The following NELL1 variants were observed in gnomAD, a reference collection of about 807,000 sequenced individuals.
The protein encoded by NELL1 is protein kinase C-binding protein NELL1.
Under a neutral mutation model 107.4 loss-of-function variants are expected in NELL1, and 76 were observed. The ratio of observed to expected loss-of-function variants is 0.71; its 90% CI spans 0.59 to 0.86. NELL1 has a LOEUF of 0.86. Ranked by LOEUF, NELL1 falls within the 40% of genes least tolerant of loss-of-function variation. The pLI is 0.00. For synonymous variants in NELL1, 353 were observed against 341.2 expected (o/e 1.03, Z -0.38); for missense variants, 1,024 against 1,005.5 (o/e 1.02, Z -0.25).
intron 15 of NELL1, among the ~76,000 whole-genome samples, chr11:21,378,158 C>G (rs988745154): frequency 1.3e-5 from 2 of 151,578 alleles, no homozygotes; most frequent in South Asian, 4.2e-4. Flanking sequence ...GAAAAATTCT[C>G]CAGACGTTGC....
chr11:20,829,171 C>T (rs1362707896), intron 3 of NELL1, among the ~76,000 whole-genome samples: 4 of 151,306 alleles, frequency 2.6e-5, no homozygotes, highest in Admixed American at 6.6e-5. Context: ...TAACATCTTA[C>T]GTAACCATGA....
chr11:21,138,913 G>A lies in NELL1; in HGVS notation c.1426+25199G>A, dbSNP rs555371591. Among the ~76,000 whole-genome samples the A allele has an allele frequency of 3.5e-3, 538 of 152,182 alleles. 5 individuals carry two copies. Among genetic ancestry groups the A allele is most frequent in the Middle Eastern group, 6.8e-3 (2 of 294 alleles). On this transcript the variant is annotated intron_variant, in intron 13 of 19. Coordinates refer to ENST00000357134, the MANE Select transcript of NELL1 (RefSeq NM_006157.5). ...TTACAATGGATCTAGCATCCAGCTC[G>A]TCATAGTCCATAAAATATCTGACTC...
intron 12 of NELL1, among the ~76,000 whole-genome samples, chr11:21,016,525 T>G (rs1852568855): frequency 6.6e-6 from 1 of 152,062 alleles, no homozygotes; most frequent in African/African-American, 2.4e-5. Context: ...ATATCACAGT[T>G]CCTGTAACAA....
chr11:20,898,989 C>A lies in NELL1; in HGVS notation c.603+13449C>A, dbSNP rs74981497. Among the ~76,000 whole-genome samples, 992 of 152,028 alleles carry A rather than the reference C, an allele frequency of 6.5e-3. 11 individuals are homozygous for A. Among genetic ancestry groups the A allele is most frequent in the African/African-American group, 0.023 (947 of 41,490 alleles). On this transcript the variant is annotated intron_variant, in intron 5 of 19. Transcript: ENST00000357134. ...TGTTATTCTTTAATAAAAATGTTTACTAAACATATATGCATAGTAGGTAAT... is the reference window on the plus strand; with the variant it reads ...TGTTATTCTTTAATAAAAATGTTTAATAAACATATATGCATAGTAGGTAAT...
At chr11:20,775,479 A>G (rs1856733017) in intron 2 of NELL1, among the ~76,000 whole-genome samples, 1 of 6,944 alleles carries the variant, frequency 1.4e-4, no homozygotes, top group Admixed American at 2.7e-3. Flanking sequence ...AAATCTTTTC[A>G]CCACTCTTTT....
In NELL1 at chr11:21,560,190, C is replaced by G; in HGVS notation, c.1788C>G (p.Asp596Glu). The change falls in exon 17 of 20, where the codon GAC (aspartate) becomes GAG (glutamate). Residue 596 changes from aspartate (D) to glutamate (E), a missense_variant and splice_region_variant. Physicochemically the swap from Asp to Glu is conservative, Grantham distance 45. Coordinates refer to ENST00000357134, the MANE Select transcript of NELL1 (RefSeq NM_006157.5). Reference sequence around the variant, plus strand: ...GCTTCTGTGCTTCCTATATTGCAGACATTGATGAATGTGCCTTAAGAACTC... The same window carrying G: ...GCTTCTGTGCTTCCTATATTGCAGAGATTGATGAATGTGCCTTAAGAACTC... ...TYSLSGESCI[D>E]IDECALRTHT... The G allele has an allele frequency of 6.2e-7, 1 of 1,613,506 alleles. No homozygotes were observed. The highest frequency in any genetic ancestry group is 8.5e-7 in the Non-Finnish European group (1 of 1,179,594).
intron 5 of NELL1, among the ~76,000 whole-genome samples, chr11:20,914,564 T>G (rs1850203646): frequency 6.6e-6 from 1 of 152,078 alleles, no homozygotes; most frequent in African/African-American, 2.4e-5. Flanking sequence ...AGGTCTGTGT[T>G]GATGTAAATG....
chr11:21,321,518 A>G (rs776849429), intron 14 of NELL1, among the ~76,000 whole-genome samples: 6 of 152,192 alleles, frequency 3.9e-5, no homozygotes, highest in Non-Finnish European at 7.3e-5. Flanking sequence ...TCTACTGGTT[A>G]AAAGTAAAAA....
chr11:20,800,955 AAAAC>A (rs963736974), intron 3 of NELL1, among the ~76,000 whole-genome samples: 11 of 152,232 alleles, frequency 7.2e-5, no homozygotes, highest in East Asian at 5.8e-4. Context: ...ACAATTAAAA[AAAAC>A]AAACAAACCA....
chr11:20,920,970 C>T lies in NELL1; in HGVS notation c.759+1636C>T, dbSNP rs947824009. ...TCCTTCCAAACAGTATATAGAATTA[C>T]AATTTGAAAACTGAGTACTTCCATC... On this transcript the variant is annotated intron_variant, in intron 7 of 19. Transcript: ENST00000357134. Among the ~76,000 whole-genome samples, 5 of 152,008 alleles carry T rather than the reference C, an allele frequency of 3.3e-5. No individual in the cohort carries two copies. In the South Asian group the frequency reaches 8.3e-4, roughly 25 times the overall value.
chr11:21,186,171 G>C (rs1057095326), intron 13 of NELL1, among the ~76,000 whole-genome samples: 26 of 151,872 alleles, frequency 1.7e-4, no homozygotes, highest in Non-Finnish European at 1.0e-4. Context: ...CTTAGGTCAT[G>C]TGACTTCTCC....
chr11:21,300,339 G>A (rs77673891), intron 14 of NELL1, among the ~76,000 whole-genome samples: 2 of 152,012 alleles, frequency 1.3e-5, no homozygotes, highest in African/African-American at 2.4e-5. Context: ...GGAGAAGGAG[G>A]AAGGTAATGA....
intron 3 of NELL1, among the ~76,000 whole-genome samples, chr11:20,791,727 GA>G (rs370848008): frequency 7.3e-5 from 6 of 82,472 alleles, no homozygotes; most frequent in Non-Finnish European, 1.7e-4. Flanking sequence ...CACCAGTCTG[GA>G]GGTTTTTTTT....
intron 2 of NELL1, among the ~76,000 whole-genome samples, chr11:20,748,777 G>A (rs992244075): frequency 6.7e-6 from 1 of 150,190 alleles, no homozygotes; most frequent in African/African-American, 2.5e-5. Flanking sequence ...CATAGTATAT[G>A]CGTGTATATA....
At chr11:21,278,078 A>G (rs752298027) in intron 14 of NELL1, among the ~76,000 whole-genome samples, 21 of 152,148 alleles carry the variant, frequency 1.4e-4, no homozygotes, top group Non-Finnish European at 3.1e-4. Flanking sequence ...AGCATTTGAC[A>G]AAATCCAACA....
intron 12 of NELL1, among the ~76,000 whole-genome samples, chr11:21,012,912 G>C (rs932311341): frequency 3.9e-5 from 6 of 152,074 alleles, no homozygotes; most frequent in Non-Finnish European, 8.8e-5. Context: ...GAGCAATTGG[G>C]GGGATTAGTA....
chr11:20,782,265 C>T (rs1383177518), intron 2 of NELL1, among the ~76,000 whole-genome samples: 6 of 152,034 alleles, frequency 3.9e-5, no homozygotes, highest in South Asian at 2.1e-4. Flanking sequence ...AATTAAGTAG[C>T]GAAGGCCTTG....
At chr11:21,541,528 G>A (rs1856292217) in intron 16 of NELL1, among the ~76,000 whole-genome samples, 1 of 152,034 alleles carries the variant, frequency 6.6e-6, no homozygotes, top group Admixed American at 6.6e-5. Flanking sequence ...CATAGGAGTG[G>A]CGATAAAAAG....
chr11:21,522,514 G>C (rs1316135433), intron 15 of NELL1, among the ~76,000 whole-genome samples: 1 of 152,142 alleles, frequency 6.6e-6, no homozygotes, highest in Non-Finnish European at 1.5e-5. Context: ...TAAATAATGT[G>C]TACACATGAA....
Sources: allele counts gnomAD v4.1 joint callset (sites outside exome capture counted in the v4.1 genomes callset), GRCh38; gene constraint gnomAD v4.1.1; transcripts MANE v1.5; gene names NCBI Gene and HGNC (gene_info 2026-07-23, HGNC 2026-07-21).